The following PTGER4 variants were observed in gnomAD, a reference collection of about 807,000 sequenced individuals.
PTGER4 encodes prostaglandin E2 receptor EP4 subtype.
In PTGER4, 11 loss-of-function variants were observed where a neutral mutation model predicts 33.2. That is an observed-to-expected ratio of 0.33 (90% CI 0.21 to 0.55). The LOEUF is 0.55. Ranked by LOEUF, PTGER4 falls within the 20% of genes least tolerant of loss-of-function variation. PTGER4 has a pLI of 0.92. For missense variants in PTGER4, 481 were observed against 650.2 expected (o/e 0.74, Z 2.83); for synonymous variants, 275 against 281.5 (o/e 0.98, Z 0.23).
chr5:40,728,476 C>G, the PTGER4 span: 1 of 1,591,430 alleles, frequency 6.3e-7, no homozygotes, highest in South Asian at 1.2e-5. Flanking sequence ...GACATTAGCA[C>G]CTATAGGCAA....
downstream of PTGER4, among the ~76,000 whole-genome samples, chr5:40,697,101 GA>G (rs1561134161): frequency 3.3e-5 from 3 of 90,888 alleles, no homozygotes; most frequent in African/African-American, 1.7e-4. Context: ...AAAGAGAAAA[GA>G]AAGAAAGGAA....
At chr5:40,705,775 C>T in the PTGER4 span, among the ~76,000 whole-genome samples, 1 of 152,100 alleles carries the variant, frequency 6.6e-6, no homozygotes, top group Admixed American at 6.6e-5. Context: ...CCATGAGATA[C>T]CATCTCACAC....
At chr5:40,721,010 G>A in the PTGER4 span, among the ~76,000 whole-genome samples, 1 of 152,150 alleles carries the variant, frequency 6.6e-6, no homozygotes, top group Admixed American at 6.5e-5. Flanking sequence ...CGGAGGTTTG[G>A]AAGAGTAGTC....
chr5:40,688,840 C>T (rs539175967), intron 2 of PTGER4, among the ~76,000 whole-genome samples: 4 of 152,190 alleles, frequency 2.6e-5, no homozygotes, highest in Non-Finnish European at 4.4e-5. Context: ...TTTCAAGAGG[C>T]GATATTACAC....
At chr5:40,714,271 G>C in the PTGER4 span, among the ~76,000 whole-genome samples, 2 of 152,058 alleles carry the variant, frequency 1.3e-5, no homozygotes, top group Non-Finnish European at 2.9e-5. Flanking sequence ...TAAAATCAGA[G>C]GAAATTGAGG....
the PTGER4 span, among the ~76,000 whole-genome samples, chr5:40,743,463 A>G: frequency 6.6e-6 from 1 of 152,078 alleles, no homozygotes; most frequent in Non-Finnish European, 1.5e-5. Flanking sequence ...ACTTTCAATC[A>G]AGTTTAGTAG....
At chr5:40,715,483 T>C in the PTGER4 span, 1 of 152,446 alleles carries the variant, frequency 6.6e-6, no homozygotes, top group South Asian at 2.1e-4. Context: ...ATCAATACTT[T>C]ACACTTTTAC....
At chr5:40,706,390 C>T in the PTGER4 span, among the ~76,000 whole-genome samples, 1 of 152,136 alleles carries the variant, frequency 6.6e-6, no homozygotes, top group South Asian at 2.1e-4. Flanking sequence ...AAGCTTAATA[C>T]CTGAATGATG....
At chr5:40,719,557 G>C in the PTGER4 span, among the ~76,000 whole-genome samples, 16 of 152,154 alleles carry the variant, frequency 1.1e-4, no homozygotes, top group African/African-American at 3.9e-4. Context: ...ATTTCTCTTG[G>C]GTATAAAGAG....
At chr5:40,698,666 C>A (rs1579656041), downstream of PTGER4, among the ~76,000 whole-genome samples, 1 of 152,136 alleles carries the variant, frequency 6.6e-6, no homozygotes, top group African/African-American at 2.4e-5. Flanking sequence ...TCAATTATAT[C>A]TCAATGCATT....
At chr5:40,694,034 C>T (rs2111819786), downstream of PTGER4, among the ~76,000 whole-genome samples, 1 of 151,916 alleles carries the variant, frequency 6.6e-6, no homozygotes, top group Admixed American at 6.6e-5. Flanking sequence ...TTTTTAACTG[C>T]CATTTTTATT....
chr5:40,722,498 G>C, the PTGER4 span, among the ~76,000 whole-genome samples: 1 of 151,196 alleles, frequency 6.6e-6, no homozygotes, highest in Non-Finnish European at 1.5e-5. Flanking sequence ...CTGGGATGTG[G>C]GGAGCGCCTC....
At chr5:40,717,197 C>G in the PTGER4 span, among the ~76,000 whole-genome samples, 2 of 140,822 alleles carry the variant, frequency 1.4e-5, no homozygotes, top group Non-Finnish European at 3.0e-5. Flanking sequence ...CCATTGCACT[C>G]CAGCCTGGGC....
At chr5:40,720,280 C>G in the PTGER4 span, among the ~76,000 whole-genome samples, 1 of 152,154 alleles carries the variant, frequency 6.6e-6, no homozygotes, top group South Asian at 2.1e-4. Context: ...TATCCAACTG[C>G]CTCAGCACCA....
intron 2 of PTGER4, among the ~76,000 whole-genome samples, 183 bp downstream of exon 2, chr5:40,682,043 C>A (rs777238455): frequency 6.6e-6 from 1 of 152,110 alleles, no homozygotes; most frequent in East Asian, 1.9e-4. Context: ...CCAACCCTAA[C>A]GAGATTTAGC....
the PTGER4 span, among the ~76,000 whole-genome samples, chr5:40,744,281 T>C: frequency 6.6e-6 from 1 of 152,218 alleles, no homozygotes; most frequent in African/African-American, 2.4e-5. Context: ...TTGATCTTGA[T>C]TGCTATTTAT....
the PTGER4 span, among the ~76,000 whole-genome samples, chr5:40,724,887 C>A: frequency 1.4e-5 from 2 of 146,422 alleles, no homozygotes; most frequent in East Asian, 4.0e-4. Context: ...GAGTCTCACT[C>A]TGTCACTCAT....
chr5:40,736,018 C>T, the PTGER4 span, among the ~76,000 whole-genome samples: 1 of 152,024 alleles, frequency 6.6e-6, no homozygotes, highest in African/African-American at 2.4e-5. Flanking sequence ...GTTTGCATGC[C>T]AGCAAGAAGG....
At chr5:40,703,571 G>A in the PTGER4 span, among the ~76,000 whole-genome samples, 1 of 152,192 alleles carries the variant, frequency 6.6e-6, no homozygotes, top group Middle Eastern at 3.4e-3. Context: ...ATACAAAGAA[G>A]AGCTGGTACC....
Sources: gnomAD v4.1 joint callset for allele counts (sites outside exome capture counted in the v4.1 genomes callset) on GRCh38, gnomAD v4.1.1 for gene constraint, MANE v1.5 for transcripts, NCBI Gene and HGNC (gene_info 2026-07-23, HGNC 2026-07-21) for gene names.